The following RGS9 variants were observed in gnomAD, a reference collection of about 807,000 sequenced individuals.
RGS9 encodes the protein regulator of G-protein signalling 9.
Under a neutral mutation model 102.0 loss-of-function variants are expected in RGS9, and 78 were observed. That is an observed-to-expected ratio of 0.76 (90% confidence interval 0.64 to 0.92). The LOEUF is 0.92. Ranked by LOEUF, RGS9 falls within the 40% of genes least tolerant of loss-of-function variation. The pLI is 0.00. For missense variants in RGS9, 833 were observed against 866.1 expected (o/e 0.96, Z 0.48); for synonymous variants, 353 against 318.6 (o/e 1.11, Z -1.15).
intron 17 of RGS9, among the ~76,000 whole-genome samples, chr17:65,215,470 CTTTCTCTA>C (rs1567893079): frequency 3.4e-5 from 5 of 146,974 alleles, no homozygotes; most frequent in Admixed American, 6.7e-5. Context: ...TTCTTTCTTT[CTTTCTCTA>C]TCTTTCTTTC....
At chr17:65,162,301 G>C (rs1014215600) in intron 6 of RGS9, among the ~76,000 whole-genome samples, 1 of 151,962 alleles carries the variant, frequency 6.6e-6, no homozygotes, top group Non-Finnish European at 1.5e-5. Context: ...AGAATGGCTT[G>C]AGCCCAGGAG....
chr17:65,215,413 G>A (rs1200304530), intron 17 of RGS9, among the ~76,000 whole-genome samples: 1 of 152,174 alleles, frequency 6.6e-6, no homozygotes, highest in African/African-American at 2.4e-5. Flanking sequence ...AGTCCCAGAC[G>A]AAAATGTGTA....
At chr17:65,169,099 T>C (rs545254655) in intron 8 of RGS9, among the ~76,000 whole-genome samples, 1 of 152,310 alleles carries the variant, frequency 6.6e-6, no homozygotes, top group African/African-American at 2.4e-5. Context: ...CTGCCAGGTA[T>C]CAGAAATTCT....
At chr17:65,178,683 T>C (rs1296467269) in intron 9 of RGS9, among the ~76,000 whole-genome samples, 3 of 152,096 alleles carry the variant, frequency 2.0e-5, no homozygotes, top group Admixed American at 6.6e-5. Context: ...TTTGAAATTA[T>C]CTGTAGAGAC....
chr17:65,210,970 G>A (rs1913271192), intron 17 of RGS9, among the ~76,000 whole-genome samples: 1 of 152,044 alleles, frequency 6.6e-6, no homozygotes, highest in African/African-American at 2.4e-5. Context: ...TTTTCAGTAA[G>A]AGCCAGGGGG....
At chr17:65,194,541 G>A (rs55944145) in intron 12 of RGS9, among the ~76,000 whole-genome samples, 3,548 of 152,242 alleles carry the variant, frequency 0.023, 150 homozygotes, top group African/African-American at 0.08. Flanking sequence ...AGTTCTGGGC[G>A]GGCAGGGCCC....
intron 18 of RGS9, 124 bp downstream of exon 18, chr17:65,225,610 C>A: frequency 7.2e-7 from 1 of 1,388,892 alleles, no homozygotes. Flanking sequence ...CCAGGCAGCC[C>A]ACTCAGATCC....
At chr17:65,158,629 A>G (rs1245821797) in intron 3 of RGS9, 2 of 505,486 alleles carry the variant, frequency 4.0e-6, no homozygotes, top group African/African-American at 3.9e-5. Context: ...TGGTCTTGAA[A>G]GAAGTGATGC....
chr17:65,189,437 A>G (rs1912273259), intron 10 of RGS9, 122 bp downstream of exon 10: 1 of 797,404 alleles, frequency 1.3e-6, no homozygotes, highest in African/African-American at 1.7e-5. Context: ...TCAAACAATT[A>G]TTTCCAAATT....
intron 2 of RGS9, among the ~76,000 whole-genome samples, chr17:65,154,261 C>T (rs759418450): frequency 4.6e-5 from 7 of 151,084 alleles, no homozygotes; most frequent in African/African-American, 7.3e-5. Context: ...GAGCCAAGAT[C>T]GCACCACTGC....
intron 7 of RGS9, among the ~76,000 whole-genome samples, chr17:65,166,070 C>T (rs774415272): frequency 1.3e-5 from 2 of 152,146 alleles, no homozygotes; most frequent in Non-Finnish European, 2.9e-5. Flanking sequence ...TGTGGTCTAG[C>T]TTGAGCTACC....
intron 17 of RGS9, among the ~76,000 whole-genome samples, chr17:65,214,216 G>A (rs576420665): frequency 1.3e-5 from 2 of 152,322 alleles, no homozygotes; most frequent in South Asian, 4.1e-4. Flanking sequence ...ACCAACCTCA[G>A]CCTCCCAAAG....
chr17:65,151,085 C>A (rs138805361), intron 1 of RGS9, among the ~76,000 whole-genome samples: 7,400 of 152,202 alleles, frequency 0.049, 569 homozygotes, highest in African/African-American at 0.16. Context: ...TGGCTCATGC[C>A]TATAATGCCA....
At chr17:65,186,174 ATTT>A (rs1912112460) in intron 9 of RGS9, among the ~76,000 whole-genome samples, 1 of 142,918 alleles carries the variant, frequency 7.0e-6, no homozygotes, top group African/African-American at 2.8e-5. Flanking sequence ...TTATTTATTT[ATTT>A]ATTTATTTAT....
intron 13 of RGS9, among the ~76,000 whole-genome samples, 194 bp downstream of exon 13, chr17:65,197,435 G>T (rs919188991): frequency 6.6e-6 from 1 of 152,022 alleles, no homozygotes; most frequent in African/African-American, 2.4e-5. Flanking sequence ...TAGACTCAAA[G>T]AGGCCCCACC....
chr17:65,172,186 T>G (rs1911444947), intron 8 of RGS9, among the ~76,000 whole-genome samples: 1 of 152,248 alleles, frequency 6.6e-6, no homozygotes, highest in Non-Finnish European at 1.5e-5. Context: ...GAAAATGATC[T>G]GACATACAAT....
At chr17:65,206,119 T>C (rs1913055496) in intron 15 of RGS9, among the ~76,000 whole-genome samples, 1 of 152,226 alleles carries the variant, frequency 6.6e-6, no homozygotes, top group South Asian at 2.1e-4. Context: ...TGGTAAATGC[T>C]GATTAGCTTT....
At chr17:65,227,229 T>TCCTGCC in intron 18 of RGS9, 46 bp from the exon 19 acceptor site, 2 of 1,613,506 alleles carry the variant, frequency 1.2e-6, no homozygotes, top group Middle Eastern at 1.7e-4. Flanking sequence ...GTGCAGTCCC[T>TCCTGCC]CCTGCCCCTG....
In RGS9 at chr17:65,193,493, A is replaced by G. The variant is rs766748188; in HGVS notation, c.747-50A>G. ...GTCAGTTGACCTGTGTATTGATGTC[A>G]TATCTTGGGTGTCGAGCTTCTAGGA... On this transcript the variant is annotated intron_variant, in intron 11 of 18. Transcript: ENST00000262406. The G allele has an allele frequency of 2.1e-5, 24 of 1,155,708 alleles. No individual in the cohort carries two copies. The South Asian group carries it at 2.5e-4, about 12-fold the overall frequency. 71.6% of individuals were successfully genotyped at this position (1,155,708 alleles called of 1,614,324 possible). A position where few individuals can be genotyped will look rare whatever the true frequency, so the allele number is the denominator to read the frequency against.
Sources: gnomAD v4.1 joint callset for allele counts (sites outside exome capture counted in the v4.1 genomes callset) on GRCh38, gnomAD v4.1.1 for gene constraint, MANE v1.5 for transcripts, NCBI Gene and HGNC (gene_info 2026-07-23, HGNC 2026-07-21) for gene names.